PKN3: variants seen among roughly 807,000 people sequenced by gnomAD.
PKN3 encodes protein kinase N3.
PKN3 carries 91 observed loss-of-function variants against 113.1 expected under a neutral mutation model. That is an observed-to-expected ratio of 0.80 (90% confidence interval 0.68 to 0.96). PKN3 has a LOEUF of 0.96. PKN3 is among the 40% of genes least tolerant of loss of function. The pLI is 0.00. For missense variants in PKN3, 1,052 were observed against 1,202.2 expected (o/e 0.88, Z 1.85); for synonymous variants, 467 against 499.0 (o/e 0.94, Z 0.85).
intron 18 of PKN3, among the ~76,000 whole-genome samples, chr9:128,718,827 C>A (rs144532969): frequency 6.6e-6 from 1 of 152,020 alleles, no homozygotes; most frequent in Admixed American, 6.6e-5. Flanking sequence ...CCAGCCTGCA[C>A]CTGGCCCAAG....
chr9:128,714,707 G>A, intron 12 of PKN3, 43 bp downstream of exon 12: 1 of 1,393,400 alleles, frequency 7.2e-7, no homozygotes. Flanking sequence ...GCCGGCTGGG[G>A]CTGGCAGGGC....
chr9:128,707,466 C>T, intron 6 of PKN3, 61 bp downstream of exon 6: 2 of 1,400,212 alleles, frequency 1.4e-6, no homozygotes, highest in South Asian at 2.6e-5. Flanking sequence ...GCCGGAAGCA[C>T]AAACAACTCT....
chr9:128,706,906 G>C lies in PKN3; in HGVS notation c.534G>C (p.Leu178=). ...ASGSPEPGPE[L]LAEELQHRLH... ...CCGTCCTTCCCACAGGGCCTGAGCT[G>C]CTGGCGGAGGAGCTACAGCATCGAC... The change falls in exon 5 of 22, where the codon CTG becomes CTC. Residue 178 remains leucine (L), a synonymous_variant. Transcript: ENST00000291906. 6.2e-7 allele frequency: 1 copy of C among 1,614,164 alleles called. No homozygotes were observed. The highest frequency in any genetic ancestry group is 8.5e-7 in the Non-Finnish European group (1 of 1,180,032).
In PKN3 at chr9:128,720,184, C is replaced by T. The variant is rs758712991; in HGVS notation, c.2377-19C>T. The T allele has an allele frequency of 3.5e-5, 56 of 1,609,746 alleles. No individual in the cohort carries two copies. The highest frequency in any genetic ancestry group is 4.5e-5 in the East Asian group (2 of 44,808). Reference sequence around the variant, plus strand: ...CCTGGGGCTGAATGCCCTAAGTGAGCGCCTGTCCTATTGCCCAGCTCCTCC... The same window carrying T: ...CCTGGGGCTGAATGCCCTAAGTGAGTGCCTGTCCTATTGCCCAGCTCCTCC... On this transcript the variant is annotated intron_variant, in intron 20 of 21. Coordinates refer to ENST00000291906, the MANE Select transcript of PKN3 (RefSeq NM_013355.5). This position sits in a 1 kb window ranked among gnomAD's most constrained non-coding sequence, Gnocchi z 5.5.
chr9:128,713,005 G>C lies in PKN3; in HGVS notation c.836-47G>C, dbSNP rs753148379. Reference sequence around the variant, plus strand: ...GTCCCAGGACACCTTGGTGGTAGCAGTGGGAAGATGGCATCTGACAACGCC... The same window carrying C: ...GTCCCAGGACACCTTGGTGGTAGCACTGGGAAGATGGCATCTGACAACGCC... On this transcript the variant is annotated intron_variant, in intron 6 of 21. Transcript: ENST00000291906. 4 of 1,549,450 alleles carry C rather than the reference G, an allele frequency of 2.6e-6. No individual in the cohort carries two copies. The South Asian group carries it at 4.7e-5, about 18-fold the overall frequency.
intron 1 of PKN3, chr9:128,703,290 A>C: frequency 4.8e-6 from 4 of 838,156 alleles, no homozygotes; most frequent in African/African-American, 1.8e-5. Context: ...GCCGACGGGA[A>C]TTAGCCGGGA....
chr9:128,717,117 C>CTTTT (rs34182369), intron 16 of PKN3, among the ~76,000 whole-genome samples, 194 bp downstream of exon 16: 926 of 24,338 alleles, frequency 0.038, 344 homozygotes, highest in African/African-American at 0.11. Context: ...CATTAGGTTT[C>CTTTT]TTTTTTTTTT....
chr9:128,718,899 T>TTG (rs1862429462), intron 18 of PKN3, among the ~76,000 whole-genome samples: 1 of 6,010 alleles, frequency 1.7e-4, no homozygotes, highest in African/African-American at 1.7e-4. Flanking sequence ...TTTTTTTTGG[T>TTG]TTGTTTTTTT....
chr9:128,711,407 C>T (rs553975807), intron 6 of PKN3, among the ~76,000 whole-genome samples: 124 of 149,614 alleles, frequency 8.3e-4, no homozygotes, highest in African/African-American at 2.5e-3. Context: ...CCCGGGTTCA[C>T]GCCATTCTTC....
rs1409342809 is a variant in PKN3 at position 128,713,159 on chromosome 9, A to G, written c.943A>G (p.Thr315Ala). ...CAGCCCCTCCGAGGGCTGGCTTCGG[A>G]CCAAGGCCAAGCACCAGCGTGGCCG... is the stretch of plus-strand genomic sequence containing the variant. ...ASSPSEGWLR[T>A]KAKHQRGRGE... Residue 315 changes from threonine (T) to alanine (A), a missense_variant, in exon 7 of 22, where the codon ACC becomes GCC. Coordinates refer to ENST00000291906, the MANE Select transcript of PKN3 (RefSeq NM_013355.5). 1 of 1,610,902 alleles carries G rather than the reference A, an allele frequency of 6.2e-7. No individual in the cohort carries two copies. Among genetic ancestry groups the G allele is most frequent in the Admixed American group, 1.7e-5 (1 of 59,830 alleles).
intron 3 of PKN3, among the ~76,000 whole-genome samples, 195 bp from the exon 4 acceptor site, chr9:128,706,518 G>T (rs1862023417): frequency 6.6e-6 from 1 of 152,230 alleles, no homozygotes; most frequent in African/African-American, 2.4e-5. Context: ...TTTGACCCCA[G>T]CCCTTGTTGG....
At position 128,719,793 on chromosome 9, in the gene PKN3, C is replaced by T. The variant is rs764871132; in HGVS notation, c.2233C>T (p.Leu745=). 2.6e-6 allele frequency: 4 copies of T among 1,547,110 alleles called. No homozygotes were observed. In the South Asian group the frequency reaches 4.5e-5, roughly 17 times the overall value. The change falls in exon 19 of 22, where the codon CTG becomes TTG. Residue 745 remains leucine, a synonymous_variant. Transcript: ENST00000291906. ...AYTRAVDWWG[L]GVLLYEMLVG... The stretch of plus-strand genomic sequence containing the variant: ...CACACGGGCTGTGGACTGGTGGGGG[C>T]TGGGTGTGCTGCTCTACGAGATGCT...
rs1036908651 is a variant in PKN3, at chr9:128,703,723, T to C, written c.24+784T>C. On this transcript the variant is annotated intron_variant, in intron 1 of 21. Coordinates refer to ENST00000291906, the MANE Select transcript of PKN3 (RefSeq NM_013355.5). Reference sequence around the variant, plus strand: ...CAGGGCAGACGGGACCATGGGGGTGTTGCGGGGTGCGTGTAGACTCCTTGA... The same window carrying C: ...CAGGGCAGACGGGACCATGGGGGTGCTGCGGGGTGCGTGTAGACTCCTTGA... 48 of 985,304 alleles carry C rather than the reference T, an allele frequency of 4.9e-5. No homozygotes were observed. The Admixed American group carries it at 9.8e-4, about 20-fold the overall frequency. 61.0% of individuals were successfully genotyped at this position (985,304 alleles called of 1,614,324 possible).
chr9:128,702,792 C>A lies in PKN3; in HGVS notation c.-124C>A, dbSNP rs1022319099. On this transcript the variant is annotated 5_prime_UTR_variant, in exon 1 of 22. Transcript: ENST00000291906. ...GGCCAGCGGGTCTCGGGAGGGGGCG[C>A]CCGATCCCGCGTCTCCGGCGCCGCT... The A allele has an allele frequency of 1.4e-6, 1 of 735,706 alleles. No individual in the cohort carries two copies. The highest frequency in any genetic ancestry group is 2.2e-6 in the Non-Finnish European group (1 of 452,114). 45.6% of individuals were successfully genotyped at this position (735,706 alleles called of 1,614,324 possible).
At chr9:128,713,996 C>A (rs746578086) in intron 9 of PKN3, 50 bp from the exon 10 acceptor site, 3 of 1,582,950 alleles carry the variant, frequency 1.9e-6, no homozygotes, top group Non-Finnish European at 2.6e-6. Context: ...GGTGCCATGG[C>A]AGATGAGATG....
In PKN3 at chr9:128,705,107, G is replaced by C. The variant is rs1040796351; in HGVS notation, c.25-196G>C. ...TCTAACGGGCGGAGGACAGGAGCCT[G>C]GCCTAGATGAGTGGCCTCGGAGTTT... On this transcript the variant is annotated intron_variant, in intron 1 of 21. Coordinates refer to ENST00000291906, the MANE Select transcript of PKN3 (RefSeq NM_013355.5). Among the ~76,000 whole-genome samples, 6 of 152,278 alleles carry C rather than the reference G, an allele frequency of 3.9e-5. No individual in the cohort carries two copies. In the East Asian group the frequency reaches 1.2e-3, roughly 29 times the overall value.
At chr9:128,716,963 T>C (rs1862357879) in intron 16 of PKN3, 40 bp downstream of exon 16, 25 of 1,584,788 alleles carry the variant, frequency 1.6e-5, no homozygotes, top group Non-Finnish European at 2.2e-5. Context: ...CCAGCAAACT[T>C]TGCCTGGTTC....
chr9:128,714,370 G>A lies in PKN3; in HGVS notation c.1481+5G>A, dbSNP rs41275914. On this transcript the variant is annotated splice_donor_5th_base_variant and intron_variant, in intron 11 of 21. Transcript: ENST00000291906. ...CTCTGACCCTGCCACTCCCAGGTGA[G>A]GAGCTCCCTTGCCCTAGACTGCATG... 0.031 allele frequency: 50,285 copies of A among 1,597,026 alleles called. 976 individuals carry two copies. The highest frequency in any genetic ancestry group is 0.067 in the Middle Eastern group (397 of 5,950).
chr9:128,718,091 C>CT (rs1862399331), intron 16 of PKN3, among the ~76,000 whole-genome samples: 1 of 151,948 alleles, frequency 6.6e-6, no homozygotes, highest in African/African-American at 2.4e-5. Flanking sequence ...CACTTGGTCC[C>CT]TGGCACCATT....
Sources: allele counts gnomAD v4.1 joint callset (sites outside exome capture counted in the v4.1 genomes callset), GRCh38; gene constraint gnomAD v4.1.1; non-coding constraint Gnocchi (gnomAD v3.1); transcripts MANE v1.5; gene names NCBI Gene and HGNC (gene_info 2026-07-23, HGNC 2026-07-21).